Variants in FGF13 observed in about 807,000 individuals in gnomAD.
The protein encoded by FGF13 is fibroblast growth factor 13, also known as fibroblast growth factor homologous factor 2.
FGF13 carries 2 observed loss-of-function variants against 19.5 expected under a neutral mutation model. The ratio of observed to expected loss-of-function variants is 0.10; its 90% CI spans 0.04 to 0.32. FGF13 has a LOEUF of 0.32. FGF13 is among the 10% of genes least tolerant of loss of function. FGF13 has a pLI of 1.00. For missense variants in FGF13, 113 were observed against 192.7 expected (o/e 0.59, Z 2.45); for synonymous variants, 72 against 76.9 (o/e 0.94, Z 0.33).
chrX:138,913,670 AAGGAAGGAAGGAAG>A (rs1310825184), intron 1 of FGF13, among the ~76,000 whole-genome samples: 8 of 101,570 alleles, frequency 7.9e-5, no homozygotes, highest in Admixed American at 7.5e-4. Flanking sequence ...GGAAGGAAGG[AAGGAAGGAAGGAAG>A]GAAGGAAGGA....
chrX:138,789,192 CAG>C (rs1448764922), intron 3 of FGF13, among the ~76,000 whole-genome samples: 1 of 110,638 alleles, frequency 9.0e-6, no homozygotes, highest in East Asian at 2.9e-4. Context: ...TTATTTTAGA[CAG>C]AGTCTCCCTC....
chrX:138,622,374 A>G lies in FGF13; in HGVS notation c.*10476T>C, dbSNP rs993518336. 3 of 111,985 alleles carry G rather than the reference A, an allele frequency of 2.7e-5. No homozygotes were observed. The highest frequency in any genetic ancestry group is 9.7e-5 in the African/African-American group (3 of 30,873). 9.2% of individuals were successfully genotyped at this position (111,985 alleles called of 1,213,427 possible). On this transcript the variant is annotated 3_prime_UTR_variant, in exon 5 of 5. Coordinates refer to ENST00000315930, the MANE Select transcript of FGF13 (RefSeq NM_004114.5). ...CATATGATCATTTTAACAGATACAG[A>G]AAAGGCATTTGAAAAAAAATCAACA...
intron 1 of FGF13, among the ~76,000 whole-genome samples, chrX:139,200,441 C>T (rs1486251326): frequency 6.3e-5 from 7 of 111,994 alleles, no homozygotes; most frequent in Admixed American, 2.8e-4. Context: ...GAACAAAAAA[C>T]GAACTGTGGT....
chrX:139,150,961 A>G (rs1310531468), intron 1 of FGF13, among the ~76,000 whole-genome samples: 1 of 110,758 alleles, frequency 9.0e-6, no homozygotes, highest in African/African-American at 3.3e-5. Flanking sequence ...CTCTGTCCAT[A>G]TCCTTTTAAT....
intron 1 of FGF13, among the ~76,000 whole-genome samples, chrX:139,129,030 G>T (rs2083739338): frequency 1.9e-5 from 2 of 107,704 alleles, no homozygotes. Flanking sequence ...GTGGTGGTGG[G>T]GGAGGGGGGA....
intron 1 of FGF13, among the ~76,000 whole-genome samples, chrX:138,728,279 A>G (rs193058867): frequency 9.0e-6 from 1 of 111,164 alleles, no homozygotes; most frequent in East Asian, 2.9e-4. Flanking sequence ...AATGGGGAGT[A>G]TCTCCCATTC....
intron 1 of FGF13, among the ~76,000 whole-genome samples, chrX:139,073,072 C>T (rs1002438453): frequency 1.8e-5 from 2 of 110,509 alleles, no homozygotes; most frequent in Non-Finnish European, 3.8e-5. Flanking sequence ...CTTCCTTTAT[C>T]TAGTTAATCG....
chrX:139,106,505 A>G (rs1217799263), intron 1 of FGF13, among the ~76,000 whole-genome samples: 2 of 112,249 alleles, frequency 1.8e-5, no homozygotes, highest in African/African-American at 6.5e-5. Flanking sequence ...CCCTGCATTT[A>G]TAAATTTTTA....
chrX:139,170,034 C>G (rs1429289980), intron 1 of FGF13, among the ~76,000 whole-genome samples: 3 of 111,592 alleles, frequency 2.7e-5, no homozygotes, highest in African/African-American at 9.8e-5. Context: ...GGATCCAAGC[C>G]CAATTCCCAC....
In FGF13 at chrX:139,195,382, A is replaced by G. The variant is rs147260380; in HGVS notation, c.-113+8034T>C. 8.1e-3 allele frequency among the ~76,000 whole-genome samples: 908 copies of G among 112,356 alleles called. 9 individuals carry two copies. Among genetic ancestry groups the G allele is most frequent in the Middle Eastern group, 0.028 (6 of 213 alleles). On this transcript the variant is annotated intron_variant, in intron 1 of 2. Transcript: ENST00000421460. ...ACACACAGAGAATCAAAGGCAAAATAAGCAGGTCAATTCTCAATACTTTCA... is the reference window on the plus strand; with the variant it reads ...ACACACAGAGAATCAAAGGCAAAATGAGCAGGTCAATTCTCAATACTTTCA...
chrX:138,712,115 C>T (rs919177739), upstream of FGF13: 2 of 110,407 alleles, frequency 1.8e-5, no homozygotes, highest in African/African-American at 6.6e-5. Context: ...ACCAACAACC[C>T]GGAGAACCCT....
intron 1 of FGF13, among the ~76,000 whole-genome samples, chrX:138,895,655 A>G (rs1178644610): frequency 8.9e-6 from 1 of 111,984 alleles, no homozygotes; most frequent in African/African-American, 3.2e-5. Context: ...TCACACGGGT[A>G]TATATCCAAA....
intron 3 of FGF13, among the ~76,000 whole-genome samples, chrX:138,668,341 C>G (rs1323585878): frequency 2.7e-5 from 3 of 111,077 alleles, no homozygotes; most frequent in Middle Eastern, 4.7e-3. Context: ...CAGAGCCCTC[C>G]CTCTTAACCA....
At chrX:139,035,358 G>A (rs2092247235) in intron 1 of FGF13, among the ~76,000 whole-genome samples, 1 of 111,083 alleles carries the variant, frequency 9.0e-6, no homozygotes, top group Non-Finnish European at 1.9e-5. Flanking sequence ...TTAGAATCAG[G>A]AGGAGCATTT....
At position 138,671,381 on chromosome X, in the gene FGF13, C is replaced by T. The variant is rs190466063; in HGVS notation, c.402+31603G>A. Among the ~76,000 whole-genome samples, 151 of 111,655 alleles carry T rather than the reference C, an allele frequency of 1.4e-3. 1 individual carries two copies. Among genetic ancestry groups the T allele is most frequent in the African/African-American group, 4.4e-3 (136 of 30,804 alleles). ...TTATGAATCTTATAAATACAGGCAA[C>T]GTTTATCAATATCTTTTCCTCATAC... is the stretch of plus-strand genomic sequence containing the variant. On this transcript the variant is annotated intron_variant, in intron 3 of 4. Coordinates refer to ENST00000315930, the MANE Select transcript of FGF13 (RefSeq NM_004114.5).
intron 1 of FGF13, among the ~76,000 whole-genome samples, chrX:138,927,990 AAT>A (rs1267957464): frequency 8.9e-6 from 1 of 112,146 alleles, no homozygotes; most frequent in Non-Finnish European, 1.9e-5. Flanking sequence ...AATTCCCCTA[AAT>A]TAGTAAATAT....
chrX:138,828,361 G>T (rs956749373), intron 3 of FGF13, among the ~76,000 whole-genome samples: 1 of 110,308 alleles, frequency 9.1e-6, no homozygotes, highest in South Asian at 3.9e-4. Context: ...GAGGTCAGGA[G>T]ATCGAGACCA....
At chrX:139,191,701 C>T (rs1462835303) in intron 1 of FGF13, among the ~76,000 whole-genome samples, 1 of 111,427 alleles carries the variant, frequency 9.0e-6, no homozygotes, top group Non-Finnish European at 1.9e-5. Flanking sequence ...GCTTCCACCT[C>T]CCATCACCAC....
intron 1 of FGF13, among the ~76,000 whole-genome samples, chrX:139,028,608 TGTGTGTGTGA>T (rs796081087): frequency 0.062 from 3,557 of 57,087 alleles, 98 homozygotes; most frequent in East Asian, 0.2. Flanking sequence ...TGTGTGTGTG[TGTGTGTGTGA>T]GAGAGAGAGA....
Sources: allele counts gnomAD v4.1 joint callset (sites outside exome capture counted in the v4.1 genomes callset), GRCh38; gene constraint gnomAD v4.1.1; transcripts MANE v1.5; gene names NCBI Gene and HGNC (gene_info 2026-07-23, HGNC 2026-07-21).